The following UBAP2 variants were observed in gnomAD, a reference collection of about 807,000 sequenced individuals.
UBAP2 encodes ubiquitin associated protein 2.
In UBAP2, 75 loss-of-function variants were observed where a neutral mutation model predicts 139.6. The observed-to-expected ratio is 0.54, with a 90% confidence interval of 0.45 to 0.65. The LOEUF (loss-of-function observed/expected upper bound fraction) is 0.65, where lower values mean the gene tolerates loss of function less well. Among genes scored for constraint, UBAP2 ranks in the 30% least tolerant of loss-of-function variants. The pLI is 0.00. For synonymous variants in UBAP2, 526 were observed against 526.2 expected (o/e 1.00, Z 0.01); for missense variants, 1,368 against 1,369.6 (o/e 1.00, Z 0.02).
chr9:33,976,985 C>G (rs917771632), intron 6 of UBAP2, among the ~76,000 whole-genome samples: 17 of 151,104 alleles, frequency 1.1e-4, no homozygotes, highest in African/African-American at 2.7e-4. Context: ...GCACTCCAGC[C>G]TGGGTGACAA....
chr9:33,935,125 T>A (rs1454009737), intron 17 of UBAP2, among the ~76,000 whole-genome samples: 1 of 138,276 alleles, frequency 7.2e-6, no homozygotes, highest in Non-Finnish European at 1.5e-5. Flanking sequence ...CGGATTTACC[T>A]GCACTATCTT....
intron 13 of UBAP2, among the ~76,000 whole-genome samples, 191 bp downstream of exon 13, chr9:33,948,183 A>G (rs1288732413): frequency 6.6e-6 from 1 of 152,178 alleles, no homozygotes; most frequent in East Asian, 1.9e-4. Context: ...ACTATCAAGA[A>G]CAACAACAAA....
At chr9:33,947,911 G>A (rs1245848024) in intron 13 of UBAP2, among the ~76,000 whole-genome samples, 1 of 149,976 alleles carries the variant, frequency 6.7e-6, no homozygotes, top group Non-Finnish European at 1.5e-5. Context: ...TACTCAGAAG[G>A]CTGAGATTAA....
chr9:33,998,410 A>T (rs10971839), intron 3 of UBAP2: 13,017 of 165,416 alleles, frequency 0.079, 753 homozygotes, highest in Non-Finnish European at 0.11. Flanking sequence ...TGAAAAAAAA[A>T]TTTTTTAAAG....
chr9:33,974,920 A>G (rs1472289376), intron 6 of UBAP2, among the ~76,000 whole-genome samples: 2 of 117,506 alleles, frequency 1.7e-5, no homozygotes, highest in Non-Finnish European at 3.3e-5. Flanking sequence ...CCTGGTTAAC[A>G]GCGTGAGACT....
At chr9:33,968,279 C>A (rs1015533710) in intron 8 of UBAP2, 12 of 615,946 alleles carry the variant, frequency 1.9e-5, no homozygotes, top group Middle Eastern at 5.8e-4. Context: ...AATATACTGT[C>A]CATTTACTCT....
chr9:33,989,003 T>G lies in UBAP2; in HGVS notation c.412A>C (p.Lys138Gln). ...CTGCCACGATTGCCGCCTCTTCCTT[T>G]CCGGTTGTTGTTTCCACGTCCACGA... ...SSRGRGNNNRKGRGGNRGREF... is the reference protein window; with the variant it reads ...SSRGRGNNNRQGRGGNRGREF... Residue 138 changes from lysine (K) to glutamine (Q), a missense_variant, in exon 5 of 29, where the codon AAA (lysine) becomes CAA (glutamine). By Grantham distance (53) the Lys-to-Gln change is moderately conservative. Coordinates refer to ENST00000379238, the MANE Select transcript of UBAP2 (RefSeq NM_001370062.2). The G allele has an allele frequency of 6.2e-7, 1 of 1,613,738 alleles. No homozygotes were observed. The highest frequency in any genetic ancestry group is 1.3e-5 in the African/African-American group (1 of 75,014).
At chr9:34,029,274 T>TC (rs35075171) in intron 1 of UBAP2, among the ~76,000 whole-genome samples, 103,446 of 151,978 alleles carry the variant, frequency 0.68, 35,842 homozygotes, top group East Asian at 0.82. Flanking sequence ...AGACCTGTAA[T>TC]CCAGCACTTT....
intron 8 of UBAP2, 27 bp downstream of exon 8, chr9:33,971,624 C>T (rs761542762): frequency 1.5e-6 from 2 of 1,301,482 alleles, no homozygotes; most frequent in Non-Finnish European, 2.2e-6. Flanking sequence ...ATTTAAAACT[C>T]ATCTCTGGCA....
At chr9:33,940,639 C>T (rs1356230878) in intron 16 of UBAP2, among the ~76,000 whole-genome samples, 2 of 152,268 alleles carry the variant, frequency 1.3e-5, no homozygotes, top group East Asian at 3.9e-4. Context: ...GTCAGCCAGA[C>T]ATGGCAATGC....
At chr9:33,947,771 C>T (rs1443498778) in intron 13 of UBAP2, among the ~76,000 whole-genome samples, 1 of 150,966 alleles carries the variant, frequency 6.6e-6, no homozygotes, top group African/African-American at 2.4e-5. Context: ...ATGGCAGTGA[C>T]GCGTTACTGT....
chr9:33,980,597 C>T (rs1820577566), intron 6 of UBAP2, among the ~76,000 whole-genome samples: 2 of 152,024 alleles, frequency 1.3e-5, no homozygotes, highest in South Asian at 4.1e-4. Context: ...AAAAATGGAT[C>T]TATGTCAAGT....
chr9:33,935,032 A>C (rs1824334771), intron 17 of UBAP2, among the ~76,000 whole-genome samples: 1 of 151,970 alleles, frequency 6.6e-6, no homozygotes. Context: ...TGGCTTCCCC[A>C]CCCATTTGCC....
At position 34,029,311 on chromosome 9, in the gene UBAP2, G is replaced by A. The variant is rs527607742; in HGVS notation, c.-41-12122C>T. On this transcript the variant is annotated intron_variant, in intron 1 of 28. Transcript: ENST00000379238. The stretch of plus-strand genomic sequence containing the variant: ...GGAGGCTGAGGAGGGTGGATCACCA[G>A]AAGGTCAAGAGTTTGAGACCAGCCT... Among the ~76,000 whole-genome samples, 7 of 152,102 alleles carry A rather than the reference G, an allele frequency of 4.6e-5. No homozygotes were observed. In the South Asian group the frequency reaches 1.2e-3, roughly 27 times the overall value.
At chr9:33,972,090 A>G (rs1458365705) in intron 7 of UBAP2, among the ~76,000 whole-genome samples, 1 of 152,240 alleles carries the variant, frequency 6.6e-6, no homozygotes, top group African/African-American at 2.4e-5. Context: ...CTGAAAAATA[A>G]GGCATAAATA....
At chr9:34,040,098 G>C (rs1399992715) in intron 1 of UBAP2, among the ~76,000 whole-genome samples, 1 of 151,642 alleles carries the variant, frequency 6.6e-6, no homozygotes, top group African/African-American at 2.4e-5. Flanking sequence ...GGCGGAGGTT[G>C]CGTTGAGCCA....
intron 17 of UBAP2, 40 bp downstream of exon 17, chr9:33,935,799 G>C: frequency 6.2e-7 from 1 of 1,612,734 alleles, no homozygotes; most frequent in African/African-American, 1.3e-5. Context: ...CTGTTTGGTT[G>C]GCACCAGCCA....
intron 10 of UBAP2, among the ~76,000 whole-genome samples, chr9:33,957,831 G>C (rs767660251): frequency 6.6e-6 from 1 of 152,198 alleles, no homozygotes; most frequent in African/African-American, 2.4e-5. Context: ...GCAGGAGGTA[G>C]AGGAGACAGT....
chr9:33,995,798 A>G (rs1037597327), intron 4 of UBAP2: 4 of 151,888 alleles, frequency 2.6e-5, no homozygotes, highest in Non-Finnish European at 5.9e-5. Context: ...TAAAAAAAAA[A>G]AAGAAAACTT....
Sources: gnomAD v4.1 joint callset for allele counts (sites outside exome capture counted in the v4.1 genomes callset) on GRCh38, gnomAD v4.1.1 for gene constraint, MANE v1.5 for transcripts, NCBI Gene and HGNC (gene_info 2026-07-23, HGNC 2026-07-21) for gene names.